CD99: variants seen among roughly 807,000 people sequenced by gnomAD.
The protein encoded by CD99 is CD99 antigen.
CD99 carries 19 observed loss-of-function variants against 28.4 expected under a neutral mutation model. The observed-to-expected ratio is 0.67, with a 90% CI of 0.47 to 0.98. The LOEUF is 0.98. CD99 is among the 50% of genes least tolerant of loss of function. The probability of loss-of-function intolerance (pLI) is 0.00; values close to 1 mark genes in which losing one functional copy is unlikely to be tolerated. For synonymous variants in CD99, 103 were observed against 92.1 expected (o/e 1.12, Z -0.67); for missense variants, 283 against 248.8 (o/e 1.14, Z -0.92).
chrX:2,692,948 T>C (rs2083613229), intron 1 of CD99, among the ~76,000 whole-genome samples: 2 of 152,146 alleles, frequency 1.3e-5, no homozygotes, highest in South Asian at 4.2e-4. Flanking sequence ...CAGGGACCTT[T>C]ATAGTTCCAT....
chrX:2,702,273 T>G (rs1160611987), intron 1 of CD99, among the ~76,000 whole-genome samples: 6 of 152,134 alleles, frequency 3.9e-5, no homozygotes, highest in Admixed American at 3.9e-4. Flanking sequence ...CATGGCCAGG[T>G]AGAGGATCCA....
At chrX:2,732,041 C>A (rs2049638310) in intron 8 of CD99, among the ~76,000 whole-genome samples, 1 of 151,840 alleles carries the variant, frequency 6.6e-6, no homozygotes. Context: ...GAGACAGAGT[C>A]TTGCTATGTT....
Position 2,719,650 on chromosome X carries a change from C to G in CD99, c.149-11C>G. On this transcript the variant is annotated splice_polypyrimidine_tract_variant and intron_variant, in intron 3 of 9. Transcript: ENST00000381192. Reference sequence around the variant, plus strand: ...GGAATTTGGTATTAACTGCTCTTTCCCCTCTTTTAGGGGATGACTTTGACT... The same window carrying G: ...GGAATTTGGTATTAACTGCTCTTTCGCCTCTTTTAGGGGATGACTTTGACT... 6.2e-7 allele frequency: 1 copy of G among 1,613,656 alleles called. No homozygotes were observed. Among genetic ancestry groups the G allele is most frequent in the Non-Finnish European group, 8.5e-7 (1 of 1,179,628 alleles).
At chrX:2,703,092 A>G in intron 1 of CD99, among the ~76,000 whole-genome samples, 1 of 152,246 alleles carries the variant, frequency 6.6e-6, no homozygotes, top group Middle Eastern at 3.4e-3. Context: ...CCTGGCCAGA[A>G]TTGAGCTTCT....
intron 5 of CD99, among the ~76,000 whole-genome samples, 196 bp downstream of exon 5, chrX:2,720,620 C>CTTTTTTTTT (rs71281938): frequency 7.1e-5 from 6 of 83,918 alleles, no homozygotes; most frequent in Admixed American, 1.7e-4. Context: ...TTTTAGTTTG[C>CTTTTTTTTT]TTTTTTTTTT....
chrX:2,730,174 C>A (rs1304014793), intron 8 of CD99, among the ~76,000 whole-genome samples: 1 of 70,404 alleles, frequency 1.4e-5, no homozygotes, highest in Non-Finnish European at 2.6e-5. Context: ...AATAAAAATA[C>A]CTTTTTTTTT....
At chrX:2,737,420 C>T (rs1400140720) in intron 8 of CD99, among the ~76,000 whole-genome samples, 1 of 36 alleles carries the variant, frequency 0.028, no homozygotes, top group East Asian at 0.12. Context: ...TCGTGATCCG[C>T]CCGCCTGGCC....
rs779496447 is a variant in CD99, at chrX:2,704,605, G to T, written c.68-9817G>T. On this transcript the variant is annotated intron_variant, in intron 1 of 9. Transcript: ENST00000381192. ...CACGCCACCATGCCCAGCTAATTTA[G>T]CAGAGATGGGGTTTTGCCTTGTTGG... Among the ~76,000 whole-genome samples, 42 of 151,696 alleles carry T rather than the reference G, an allele frequency of 2.8e-4. No homozygotes were observed. The South Asian group carries it at 7.9e-3, about 29-fold the overall frequency.
intron 5 of CD99, among the ~76,000 whole-genome samples, chrX:2,722,345 A>G (rs2049032758): frequency 6.6e-6 from 1 of 151,894 alleles, no homozygotes; most frequent in Admixed American, 6.6e-5. Context: ...TTTGAGACTG[A>G]GTTTAGCTCT....
intron 7 of CD99, among the ~76,000 whole-genome samples, chrX:2,725,316 T>C: frequency 6.6e-6 from 1 of 152,178 alleles, no homozygotes; most frequent in East Asian, 1.9e-4. Context: ...GAGGATCTCA[T>C]GAGCCCAGGA....
At chrX:2,723,120 A>G (rs1368294969) in intron 6 of CD99, among the ~76,000 whole-genome samples, 194 bp from the exon 7 acceptor site, 1 of 152,212 alleles carries the variant, frequency 6.6e-6, no homozygotes, top group Non-Finnish European at 1.5e-5. Context: ...AGAGTGTAAC[A>G]GGCAGCACCT....
chrX:2,720,135 G>A (rs2048923676), intron 4 of CD99, among the ~76,000 whole-genome samples: 1 of 152,128 alleles, frequency 6.6e-6, no homozygotes, highest in Non-Finnish European at 1.5e-5. Flanking sequence ...TAGCTGGTGT[G>A]GACACCCGCT....
intron 1 of CD99, among the ~76,000 whole-genome samples, chrX:2,710,486 A>G (rs768936777): frequency 6.9e-6 from 1 of 145,428 alleles, no homozygotes; most frequent in Non-Finnish European, 1.5e-5. Flanking sequence ...ACTTAAAATA[A>G]TATCTGTACT....
chrX:2,731,514 C>G (rs1273046466), intron 8 of CD99, among the ~76,000 whole-genome samples: 2 of 152,098 alleles, frequency 1.3e-5, no homozygotes, highest in East Asian at 3.9e-4. Flanking sequence ...CGCTTGAACC[C>G]AGGAGGCAGA....
Position 2,728,921 on chromosome X carries a change from C to CCACCTT in CD99, c.475+2548_475+2549insCACCTT, listed in dbSNP as rs376668698. ...GTGCAATCTTGGCTCACTGCAACCT[C>CCACCTT]GCGGGTTCAAGCAATTCTCCTGCCT... On this transcript the variant is annotated intron_variant, in intron 8 of 9. Coordinates refer to ENST00000381192, the MANE Select transcript of CD99 (RefSeq NM_002414.5). Among the ~76,000 whole-genome samples the CCACCTT allele has an allele frequency of 3.0e-4, 45 of 149,434 alleles. No homozygotes were observed. In the East Asian group the frequency reaches 7.8e-3, roughly 26 times the overall value.
chrX:2,724,447 A>C (rs750721429), intron 7 of CD99, among the ~76,000 whole-genome samples: 1 of 151,388 alleles, frequency 6.6e-6, no homozygotes, highest in South Asian at 2.1e-4. Context: ...GGGTCCTCTG[A>C]AGCTCACATC....
intron 8 of CD99, chrX:2,737,869 T>G (rs1251268686): frequency 2.1e-6 from 1 of 483,052 alleles, no homozygotes; most frequent in Non-Finnish European, 3.8e-6. Context: ...CGTACTTTTT[T>G]TTTTTTTATA....
At chrX:2,732,704 C>T (rs2049701905) in intron 8 of CD99, among the ~76,000 whole-genome samples, 2 of 149,482 alleles carry the variant, frequency 1.3e-5, no homozygotes, top group African/African-American at 4.9e-5. Flanking sequence ...TTATGTACCT[C>T]TTTCTTTTTT....
At chrX:2,740,733 G>C (rs1011824194) in intron 9 of CD99, 46 bp from the exon 10 acceptor site, 2 of 1,605,622 alleles carry the variant, frequency 1.2e-6, no homozygotes, top group African/African-American at 2.7e-5. Flanking sequence ...CCACGTGAGT[G>C]CTCAGGGACC....
Sources: allele counts gnomAD v4.1 joint callset (sites outside exome capture counted in the v4.1 genomes callset), GRCh38; gene constraint gnomAD v4.1.1; transcripts MANE v1.5; gene names NCBI Gene and HGNC (gene_info 2026-07-23, HGNC 2026-07-21).